The following COL23A1 variants were observed in gnomAD, a reference collection of about 807,000 sequenced individuals.
COL23A1 encodes collagen alpha-1(XXIII) chain.
COL23A1 carries 97 observed loss-of-function variants against 99.3 expected under a neutral mutation model. The observed-to-expected ratio is 0.98, with a 90% CI of 0.83 to 1.16. The LOEUF is 1.16. Among genes scored for constraint, COL23A1 ranks in the 50% most tolerant of loss-of-function variants. The pLI is 0.00. For missense variants in COL23A1, 762 were observed against 757.4 expected (o/e 1.01, Z -0.07); for synonymous variants, 320 against 308.2 (o/e 1.04, Z -0.40).
At chr5:178,495,544 A>G (rs1439094089) in intron 2 of COL23A1, among the ~76,000 whole-genome samples, 2 of 152,124 alleles carry the variant, frequency 1.3e-5, no homozygotes, top group Non-Finnish European at 2.9e-5. Context: ...ATGGGGGAGA[A>G]GGGTGGGGAG....
At chr5:178,584,248 G>A (rs1763805466) in intron 1 of COL23A1, among the ~76,000 whole-genome samples, 2 of 151,540 alleles carry the variant, frequency 1.3e-5, no homozygotes, top group South Asian at 4.2e-4. Flanking sequence ...GACCTCAGGT[G>A]ATCCACCCAC....
intron 2 of COL23A1, among the ~76,000 whole-genome samples, chr5:178,537,788 C>T (rs6888802): frequency 0.12 from 17,737 of 152,272 alleles, 1,118 homozygotes; most frequent in Middle Eastern, 0.15. Context: ...TGGTAAAATA[C>T]GTGGCATGAC....
At chr5:178,502,980 G>A (rs776110078) in intron 2 of COL23A1, among the ~76,000 whole-genome samples, 5 of 152,192 alleles carry the variant, frequency 3.3e-5, no homozygotes, top group African/African-American at 4.8e-5. Context: ...CCCCACACAC[G>A]ATGCCAGTCA....
chr5:178,520,793 G>C (rs1334574293), intron 2 of COL23A1, among the ~76,000 whole-genome samples: 1 of 152,186 alleles, frequency 6.6e-6, no homozygotes. Flanking sequence ...CCAGCATACA[G>C]CCTGGTTTAT....
chr5:178,573,451 C>T (rs1763205436), intron 1 of COL23A1, among the ~76,000 whole-genome samples: 4 of 152,204 alleles, frequency 2.6e-5, no homozygotes, highest in Non-Finnish European at 5.9e-5. Context: ...TGGGTTTAAT[C>T]AGTGACTCCC....
intron 1 of COL23A1, chr5:178,562,249 GAA>G (rs777023242): frequency 6.1e-3 from 1,205 of 196,194 alleles, no homozygotes; most frequent in South Asian, 8.9e-3. Flanking sequence ...CTCAAAAAAA[GAA>G]AAAAAAAAAA....
At chr5:178,247,396 C>A in intron 22 of COL23A1, 130 bp downstream of exon 22, 1 of 1,032,550 alleles carries the variant, frequency 9.7e-7, no homozygotes, top group South Asian at 1.5e-5. Context: ...TTGGGACGTT[C>A]AGGCGCTGGG....
At position 178,403,119 on chromosome 5, in the gene COL23A1, A is replaced by AAAAT. The variant is rs1213199198; in HGVS notation, c.362-96204_362-96201dup. 7.4e-5 allele frequency among the ~76,000 whole-genome samples: 8 copies of AAAAT among 108,386 alleles called. 1 individual carries two copies. The highest frequency in any genetic ancestry group is 2.8e-4 in the African/African-American group (8 of 28,972). 71.1% of individuals were successfully genotyped at this position (108,386 alleles called of 152,430 possible). A position where few individuals can be genotyped will look rare whatever the true frequency, so the allele number is the denominator to read the frequency against. On this transcript the variant is annotated intron_variant, in intron 2 of 28. Transcript: ENST00000390654. ...GAGAGACTCCATCTCAAAAAAAAAAAAAATAAATAAATAAAAAATAAATAC... is the reference window on the plus strand; with the variant it reads ...GAGAGACTCCATCTCAAAAAAAAAAAAAATAAATAAATAAATAAAAAATAAATAC...
At chr5:178,278,056 G>A (rs746672096) in intron 5 of COL23A1, among the ~76,000 whole-genome samples, 1 of 152,240 alleles carries the variant, frequency 6.6e-6, no homozygotes, top group South Asian at 2.1e-4. Flanking sequence ...GCCGTGGATG[G>A]GGTGGAAATC....
At chr5:178,557,907 G>A (rs1380086127) in intron 2 of COL23A1, among the ~76,000 whole-genome samples, 1 of 152,070 alleles carries the variant, frequency 6.6e-6, no homozygotes, top group Non-Finnish European at 1.5e-5. Context: ...AGAAAGTGCA[G>A]GCATGGACAG....
At chr5:178,424,548 G>A (rs1318108451) in intron 2 of COL23A1, among the ~76,000 whole-genome samples, 1 of 152,218 alleles carries the variant, frequency 6.6e-6, no homozygotes. Flanking sequence ...CAAAGAGGGA[G>A]GCAGTGCTAG....
chr5:178,467,082 T>C (rs1756464206), intron 2 of COL23A1, among the ~76,000 whole-genome samples: 2 of 152,234 alleles, frequency 1.3e-5, no homozygotes, highest in South Asian at 2.1e-4. Flanking sequence ...CGAGGTTAAG[T>C]TGGAGAAACT....
chr5:178,539,015 C>T (rs192012750), intron 2 of COL23A1, among the ~76,000 whole-genome samples: 5 of 152,266 alleles, frequency 3.3e-5, no homozygotes, highest in Admixed American at 6.5e-5. Context: ...ATGAGATGTC[C>T]GGAAAAGGCA....
At chr5:178,467,918 T>C (rs773691042) in intron 2 of COL23A1, among the ~76,000 whole-genome samples, 14 of 152,128 alleles carry the variant, frequency 9.2e-5, no homozygotes, top group Non-Finnish European at 1.8e-4. Flanking sequence ...AAAGGGAAAC[T>C]GCAGGCGCTG....
chr5:178,573,215 C>CA (rs200782797), intron 1 of COL23A1, among the ~76,000 whole-genome samples: 33 of 151,198 alleles, frequency 2.2e-4, no homozygotes, highest in East Asian at 1.7e-3. Flanking sequence ...AATTATACTT[C>CA]AAAAAAAAAG....
intron 2 of COL23A1, among the ~76,000 whole-genome samples, chr5:178,326,510 T>G (rs1323600176): frequency 6.6e-6 from 1 of 151,978 alleles, no homozygotes; most frequent in Non-Finnish European, 1.5e-5. Context: ...CTCACAGACA[T>G]GACACCCTGA....
chr5:178,239,374 C>T (rs900531831), intron 27 of COL23A1, among the ~76,000 whole-genome samples, 195 bp from the exon 28 acceptor site: 7 of 152,208 alleles, frequency 4.6e-5, no homozygotes, highest in Non-Finnish European at 7.3e-5. Flanking sequence ...TGGGGAACGA[C>T]GGCCTCTCAC....
intron 2 of COL23A1, among the ~76,000 whole-genome samples, chr5:178,379,601 G>T (rs897509801): frequency 6.6e-6 from 1 of 152,178 alleles, no homozygotes; most frequent in Non-Finnish European, 1.5e-5. Context: ...ATGAAAACAC[G>T]CTGGGTGTGG....
At chr5:178,550,628 A>G (rs899318826) in intron 2 of COL23A1, among the ~76,000 whole-genome samples, 2 of 152,176 alleles carry the variant, frequency 1.3e-5, no homozygotes, top group African/African-American at 4.8e-5. Context: ...TAGATCTTCA[A>G]TCCATGTGGA....
Sources: gnomAD v4.1 joint callset for allele counts (sites outside exome capture counted in the v4.1 genomes callset) on GRCh38, gnomAD v4.1.1 for gene constraint, MANE v1.5 for transcripts, NCBI Gene and HGNC (gene_info 2026-07-23, HGNC 2026-07-21) for gene names.